SPAG1: variants seen among roughly 807,000 people sequenced by gnomAD.
The protein encoded by SPAG1 is sperm-associated antigen 1.
Under a neutral mutation model 100.5 loss-of-function variants are expected in SPAG1, and 69 were observed. The observed-to-expected ratio is 0.69, with a 90% confidence interval of 0.57 to 0.84. The LOEUF (loss-of-function observed/expected upper bound fraction) is 0.84, where lower values mean the gene tolerates loss of function less well. Among genes scored for constraint, SPAG1 ranks in the 40% least tolerant of loss-of-function variants. The pLI, the probability that SPAG1 is intolerant of heterozygous loss-of-function variation, is 0.00. For synonymous variants in SPAG1, 336 were observed against 411.6 expected (o/e 0.82, Z 2.22); for missense variants, 955 against 1,133.1 (o/e 0.84, Z 2.26).
intron 3 of SPAG1, among the ~76,000 whole-genome samples, chr8:100,175,614 G>A (rs985014595): frequency 1.3e-5 from 2 of 152,070 alleles, no homozygotes; most frequent in Admixed American, 1.3e-4. Flanking sequence ...AAAGATCTTT[G>A]TGACCCCCTG....
intron 10 of SPAG1, among the ~76,000 whole-genome samples, chr8:100,202,987 C>G (rs1038933833): frequency 3.9e-5 from 6 of 152,246 alleles, no homozygotes; most frequent in African/African-American, 1.2e-4. Context: ...GGCGTTTGTG[C>G]TGGTTAATAC....
intron 16 of SPAG1, among the ~76,000 whole-genome samples, chr8:100,235,389 G>C (rs941432141): frequency 2.0e-5 from 3 of 152,114 alleles, no homozygotes; most frequent in African/African-American, 7.3e-5. Context: ...ATAACAGAAG[G>C]GAAGGGGCCA....
At chr8:100,194,364 T>G in intron 10 of SPAG1, 96 bp downstream of exon 10, 1 of 1,513,638 alleles carries the variant, frequency 6.6e-7, no homozygotes, top group Non-Finnish European at 9.0e-7. Flanking sequence ...TCGTAATCTA[T>G]CAGTTTTTCT....
At chr8:100,229,262 A>T (rs2132415906) in intron 14 of SPAG1, among the ~76,000 whole-genome samples, 1 of 152,232 alleles carries the variant, frequency 6.6e-6, no homozygotes, top group Admixed American at 6.5e-5. Context: ...CTCTACTAAA[A>T]TACAAAAATT....
At chr8:100,213,044 C>A in intron 10 of SPAG1, 46 bp from the exon 11 acceptor site, 2 of 1,383,276 alleles carry the variant, frequency 1.4e-6, no homozygotes, top group South Asian at 3.0e-5. Context: ...GCGGCAACTG[C>A]TCCCGGTGAT....
At chr8:100,232,368 G>A (rs1019393768) in intron 15 of SPAG1, among the ~76,000 whole-genome samples, 10 of 151,582 alleles carry the variant, frequency 6.6e-5, no homozygotes, top group African/African-American at 1.2e-4. Context: ...TCCTTTCTAC[G>A]TACTCTAGAG....
intron 10 of SPAG1, among the ~76,000 whole-genome samples, chr8:100,196,960 C>T (rs546636940): frequency 5.6e-4 from 85 of 151,988 alleles, no homozygotes; most frequent in African/African-American, 2.0e-3. Context: ...CTCGCCATTT[C>T]GCCCAGGCTG....
intron 15 of SPAG1, chr8:100,233,195 C>T: frequency 2.1e-6 from 1 of 480,792 alleles, no homozygotes; most frequent in East Asian, 4.0e-5. Context: ...TCTGTCTCTT[C>T]CACTTGATTG....
chr8:100,224,403 G>C (rs939372977), intron 13 of SPAG1, among the ~76,000 whole-genome samples: 7 of 152,110 alleles, frequency 4.6e-5, no homozygotes, highest in Admixed American at 1.3e-4. Flanking sequence ...TTAGCTGGGC[G>C]TGGTGGCGCG....
chr8:100,239,116 A>C lies in SPAG1; in HGVS notation c.2116-124A>C. The C allele has an allele frequency of 2.0e-6, 1 of 509,256 alleles. No individual in the cohort carries two copies. Among genetic ancestry groups the C allele is most frequent in the Non-Finnish European group, 3.5e-6 (1 of 287,734 alleles). The allele number at this position is 509,256 out of a possible 1,614,324, so 31.5% of individuals were successfully genotyped here. On this transcript the variant is annotated intron_variant, in intron 16 of 18. Transcript: ENST00000388798. This position sits in a 1 kb window ranked among gnomAD's most constrained non-coding sequence, Gnocchi z 5.0. ...TCACCCCACAGGCTCACTTTGTAAG[A>C]GTGGTATTAATGTGGACCCTGCACA... is the stretch of plus-strand genomic sequence containing the variant.
intron 3 of SPAG1, among the ~76,000 whole-genome samples, chr8:100,176,177 G>A (rs1423034738): frequency 1.3e-5 from 2 of 152,092 alleles, no homozygotes; most frequent in Non-Finnish European, 2.9e-5. Flanking sequence ...GGGAGAAGGT[G>A]CTTTTCCTGT....
chr8:100,224,229 G>A (rs1818406316), intron 13 of SPAG1, among the ~76,000 whole-genome samples: 1 of 152,038 alleles, frequency 6.6e-6, no homozygotes, highest in Admixed American at 6.6e-5. Flanking sequence ...CTAGTATCTT[G>A]TATTTTCATC....
At chr8:100,211,021 G>T (rs1563798560) in intron 10 of SPAG1, among the ~76,000 whole-genome samples, 1 of 151,702 alleles carries the variant, frequency 6.6e-6, no homozygotes, top group African/African-American at 2.4e-5. Flanking sequence ...TAGAGACAGG[G>T]TTCACCATGT....
intron 8 of SPAG1, among the ~76,000 whole-genome samples, chr8:100,190,036 C>T (rs946656951): frequency 3.9e-5 from 6 of 151,966 alleles, no homozygotes; most frequent in South Asian, 4.2e-4. Context: ...TTCAGGCAGG[C>T]GCGGTGGCTC....
intron 3 of SPAG1, among the ~76,000 whole-genome samples, chr8:100,175,271 G>A (rs991108359): frequency 4.7e-5 from 7 of 149,880 alleles, no homozygotes; most frequent in African/African-American, 1.5e-4. Flanking sequence ...AGAGAAGGGC[G>A]TGCAGTGAAG....
chr8:100,160,640 A>G (rs1446745067), intron 1 of SPAG1, among the ~76,000 whole-genome samples: 1 of 151,718 alleles, frequency 6.6e-6, no homozygotes, highest in Non-Finnish European at 1.5e-5. Context: ...AAAAAAAAAA[A>G]AAAGGAGAGG....
At chr8:100,160,335 G>T (rs576213698) in intron 1 of SPAG1, among the ~76,000 whole-genome samples, 39 of 152,228 alleles carry the variant, frequency 2.6e-4, no homozygotes, top group African/African-American at 9.1e-4. Flanking sequence ...TAAGAGAGAG[G>T]TATGTACAGG....
chr8:100,239,183 G>A lies in SPAG1; in HGVS notation c.2116-57G>A. 8.7e-7 allele frequency: 1 copy of A among 1,155,576 alleles called. No individual in the cohort carries two copies. The highest frequency in any genetic ancestry group is 1.2e-6 in the Non-Finnish European group (1 of 818,310). The allele number at this position is 1,155,576 out of a possible 1,614,324, so 71.6% of individuals were successfully genotyped here. On this transcript the variant is annotated intron_variant, in intron 16 of 18. Transcript: ENST00000388798. This position sits in a 1 kb window ranked among gnomAD's most constrained non-coding sequence, Gnocchi z 5.0. Reference sequence around the variant, plus strand: ...CTACATCCACCCCACTCCCACTCAGGTTACTCTAGGCTCCTTCTATTTATG... The same window carrying A: ...CTACATCCACCCCACTCCCACTCAGATTACTCTAGGCTCCTTCTATTTATG...
In SPAG1 at chr8:100,240,885, T is replaced by A. The variant is rs1354338229; in HGVS notation, c.2650-6T>A. ...TTTTGTTTTTTTTTTTTTTTGCTTC[T>A]TTTAGATGATGTTGACACTAATTAG... is the stretch of plus-strand genomic sequence containing the variant. On this transcript the variant is annotated splice_region_variant and splice_polypyrimidine_tract_variant and intron_variant, in intron 18 of 18. Transcript: ENST00000388798. 6.3e-7 allele frequency: 1 copy of A among 1,578,926 alleles called. No individual in the cohort carries two copies. The highest frequency in any genetic ancestry group is 2.0e-5 in the Admixed American group (1 of 49,056).
Sources: gnomAD v4.1 joint callset for allele counts (sites outside exome capture counted in the v4.1 genomes callset) on GRCh38, gnomAD v4.1.1 for gene constraint, Gnocchi (gnomAD v3.1) non-coding constraint, MANE v1.5 for transcripts, NCBI Gene and HGNC (gene_info 2026-07-23, HGNC 2026-07-21) for gene names.